Variants in TSPAN7 observed in about 807,000 individuals in gnomAD.
TSPAN7 encodes the protein tetraspanin-7.
TSPAN7 carries 1 observed loss-of-function variant against 17.6 expected under a neutral mutation model. The ratio of observed to expected loss-of-function variants is 0.06; its 90% CI spans 0.02 to 0.27. The LOEUF is 0.27. Ranked by LOEUF, TSPAN7 falls within the 10% of genes least tolerant of loss-of-function variation. The pLI, the probability that TSPAN7 is intolerant of heterozygous loss-of-function variation, is 1.00. For missense variants in TSPAN7, 112 were observed against 201.7 expected, an observed-to-expected ratio of 0.56 and a Z score of 2.69; for synonymous variants, 78 against 79.0, an observed-to-expected ratio of 0.99 and a Z score of 0.07.
At chrX:38,578,905 T>C (rs2069211507) in intron 1 of TSPAN7, among the ~76,000 whole-genome samples, 1 of 111,316 alleles carries the variant, frequency 9.0e-6, no homozygotes, top group Admixed American at 9.5e-5. Flanking sequence ...TGTACATATA[T>C]GTATACATAT....
intron 1 of TSPAN7, among the ~76,000 whole-genome samples, chrX:38,643,316 CA>C (rs755183799): frequency 2.8e-5 from 3 of 108,397 alleles, no homozygotes; most frequent in African/African-American, 6.7e-5. Context: ...GTAAATAAAG[CA>C]AAAAAAGCCA....
chrX:38,563,245 G>A, intron 1 of TSPAN7: 1 of 590,624 alleles, frequency 1.7e-6, no homozygotes, highest in Non-Finnish European at 2.3e-6. Flanking sequence ...TATTTGGACT[G>A]ACAACGACAC....
At chrX:38,603,917 A>G (rs1440975167) in intron 1 of TSPAN7, among the ~76,000 whole-genome samples, 42 of 103,855 alleles carry the variant, frequency 4.0e-4, no homozygotes, top group Non-Finnish European at 7.1e-4. Context: ...ACATGTGCAC[A>G]ATTTGCGGGT....
At position 38,604,942 on chromosome X, in the gene TSPAN7, C is replaced by A. The variant is rs775503715; in HGVS notation, c.81+43315C>A. 4.5e-5 allele frequency among the ~76,000 whole-genome samples: 5 copies of A among 111,310 alleles called. No homozygotes were observed. In the East Asian group the frequency reaches 1.4e-3, roughly 32 times the overall value. On this transcript the variant is annotated intron_variant, in intron 1 of 7. Transcript: ENST00000378482. ...ATAAGAGCTATCTATGACAAACCCG[C>A]AGCCAATATCATACTGAATGGGCAA...
At chrX:38,661,864 G>A (rs1201836283) in intron 1 of TSPAN7, among the ~76,000 whole-genome samples, 1 of 110,450 alleles carries the variant, frequency 9.1e-6, no homozygotes, top group Non-Finnish European at 1.9e-5. Flanking sequence ...TTTTCAGTTC[G>A]AAAGTCATGT....
At chrX:38,668,046 CA>C (rs780978175) in intron 2 of TSPAN7, among the ~76,000 whole-genome samples, 5 of 111,920 alleles carry the variant, frequency 4.5e-5, no homozygotes, top group African/African-American at 1.6e-4. Context: ...ACTTCAAAAG[CA>C]GAGAAAAGAA....
intron 7 of TSPAN7, 121 bp from the exon 8 acceptor site, chrX:38,687,818 G>C (rs1602128924): frequency 2.4e-6 from 1 of 421,757 alleles, no homozygotes; most frequent in East Asian, 4.2e-5. Context: ...CATTTCTGTG[G>C]TTCTGGGAAG....
intron 1 of TSPAN7, among the ~76,000 whole-genome samples, chrX:38,638,384 T>A (rs1248556312): frequency 8.9e-6 from 1 of 112,441 alleles, no homozygotes; most frequent in Non-Finnish European, 1.9e-5. Context: ...TGATCAACAT[T>A]TTAAAATATT....
chrX:38,618,327 G>A (rs780098965), intron 1 of TSPAN7, among the ~76,000 whole-genome samples: 6 of 112,130 alleles, frequency 5.4e-5, no homozygotes, highest in South Asian at 3.8e-4. Flanking sequence ...GTGCATTTCC[G>A]GAGAATGGGG....
chrX:38,647,729 A>G lies in TSPAN7; in HGVS notation c.82-18392A>G, dbSNP rs952430038. Among the ~76,000 whole-genome samples the G allele has an allele frequency of 3.1e-5, 3 of 98,327 alleles. No homozygotes were observed. In the Admixed American group the frequency reaches 3.8e-4, roughly 12 times the overall value. The allele number at this position is 98,327 out of a possible 115,157, so 85.4% of individuals were successfully genotyped here. On this transcript the variant is annotated intron_variant, in intron 1 of 7. Transcript: ENST00000378482. ...TTTAGCCCTTTGATGTTTAGTCCTT[A>G]TTCTCATGGTTTGATTATGGAAGAG...
intron 1 of TSPAN7, among the ~76,000 whole-genome samples, chrX:38,565,436 G>A (rs910158416): frequency 2.7e-5 from 3 of 111,745 alleles, no homozygotes; most frequent in African/African-American, 9.8e-5. Flanking sequence ...CACCATGTGG[G>A]CCAGGATGGT....
chrX:38,628,752 C>A (rs1018086606), intron 1 of TSPAN7, among the ~76,000 whole-genome samples: 1 of 111,846 alleles, frequency 8.9e-6, no homozygotes, highest in East Asian at 2.8e-4. Flanking sequence ...ACTTGATTCT[C>A]ATTTCACATT....
intron 1 of TSPAN7, among the ~76,000 whole-genome samples, chrX:38,654,198 T>A (rs1418499580): frequency 9.0e-6 from 1 of 111,671 alleles, no homozygotes; most frequent in Non-Finnish European, 1.9e-5. Context: ...TTCATAGGGT[T>A]ATTAAGAAGA....
intron 1 of TSPAN7, among the ~76,000 whole-genome samples, chrX:38,648,210 C>T (rs1372444474): frequency 8.9e-6 from 1 of 112,283 alleles, no homozygotes; most frequent in Non-Finnish European, 1.9e-5. Context: ...ATTTTAATTT[C>T]ACTTGTTGCA....
intron 1 of TSPAN7, among the ~76,000 whole-genome samples, chrX:38,589,516 T>C (rs1047643460): frequency 1.2e-4 from 14 of 112,234 alleles, no homozygotes; most frequent in African/African-American, 4.5e-4. Flanking sequence ...AAATTTTTGC[T>C]AGAAGAGCTT....
intron 1 of TSPAN7, among the ~76,000 whole-genome samples, chrX:38,611,414 G>A (rs2069417845): frequency 8.9e-6 from 1 of 112,271 alleles, no homozygotes; most frequent in Admixed American, 9.4e-5. Context: ...AAGTCACGTT[G>A]GGGAAATGGT....
chrX:38,603,126 TTTCTC>T (rs2069355519), intron 1 of TSPAN7, among the ~76,000 whole-genome samples: 1 of 111,990 alleles, frequency 8.9e-6, no homozygotes, highest in Non-Finnish European at 1.9e-5. Flanking sequence ...TAAATAGACA[TTTCTC>T]TAAAGCAAGT....
At chrX:38,660,829 CT>C (rs1364534048) in intron 1 of TSPAN7, among the ~76,000 whole-genome samples, 14 of 111,294 alleles carry the variant, frequency 1.3e-4, no homozygotes, top group African/African-American at 2.9e-4. Context: ...TTTCTGTTGT[CT>C]TTTTTTTCTT....
chrX:38,643,558 C>T (rs774469506), intron 1 of TSPAN7, among the ~76,000 whole-genome samples: 2 of 108,299 alleles, frequency 1.8e-5, no homozygotes, highest in Admixed American at 2.0e-4. Flanking sequence ...AAACCAGGGC[C>T]GGGCACGGTG....
Sources: allele counts gnomAD v4.1 joint callset (sites outside exome capture counted in the v4.1 genomes callset), GRCh38; gene constraint gnomAD v4.1.1; transcripts MANE v1.5; gene names NCBI Gene and HGNC (gene_info 2026-07-23, HGNC 2026-07-21).